SLC9A9: variants seen among roughly 807,000 people sequenced by gnomAD.
The protein encoded by SLC9A9 is solute carrier family 9 member A9.
A neutral mutation model predicts 77.8 loss-of-function variants in SLC9A9; 62 were observed. The ratio of observed to expected loss-of-function variants is 0.80; its 90% confidence interval spans 0.65 to 0.98. SLC9A9 has a LOEUF of 0.98. Among genes scored for constraint, SLC9A9 ranks in the 50% least tolerant of loss-of-function variants. SLC9A9 has a pLI of 0.00. For synonymous variants in SLC9A9, 320 were observed against 283.5 expected (o/e 1.13, Z -1.29); for missense variants, 775 against 774.9 (o/e 1.00, Z 0.00).
intron 12 of SLC9A9, among the ~76,000 whole-genome samples, chr3:143,405,182 T>C (rs1457814460): frequency 1.3e-5 from 2 of 152,228 alleles, no homozygotes; most frequent in Non-Finnish European, 2.9e-5. Flanking sequence ...TCTGCCTTTT[T>C]GTTTGTTGCT....
Position 143,822,778 on chromosome 3 carries a change from CAGACTT to C in SLC9A9, c.378+9235_378+9240del, listed in dbSNP as rs572329101. On this transcript the variant is annotated intron_variant, in intron 2 of 15. Transcript: ENST00000316549. ...AGATCCATTGTAAATATTATTTACT[CAGACTT>C]AAAGTACAATGGGAAATCTCTTTTT... Among the ~76,000 whole-genome samples the C allele has an allele frequency of 2.8e-3, 432 of 152,358 alleles. 6 individuals are homozygous for C. Among genetic ancestry groups the C allele is most frequent in the African/African-American group, 1.0e-2 (414 of 41,580 alleles).
At chr3:143,487,841 G>C (rs1031549304) in intron 11 of SLC9A9, among the ~76,000 whole-genome samples, 1 of 148,616 alleles carries the variant, frequency 6.7e-6, no homozygotes, top group African/African-American at 2.5e-5. Flanking sequence ...AAATAAACAA[G>C]AAAAAGAAAA....
Position 143,363,556 on chromosome 3 carries a change from T to C in SLC9A9, c.1532A>G (p.Asn511Ser). The C allele has an allele frequency of 6.2e-7, 1 of 1,612,704 alleles. No individual in the cohort carries two copies. The highest frequency in any genetic ancestry group is 8.5e-7 in the Non-Finnish European group (1 of 1,179,074). The part of the protein sequence containing the change: ...EDPSSQHQEA[N>S]NLDKNMTKAE... ...TTTCGTCATGTTTTTATCCAAGTTA[T>C]TTGCTTCCTGGGGAGAAACAATAGA... The change falls in exon 14 of 16, where the codon AAT (asparagine) becomes AGT (serine). Residue 511 changes from asparagine (N) to serine (S), a missense_variant. Coordinates refer to ENST00000316549, the MANE Select transcript of SLC9A9 (RefSeq NM_173653.4).
chr3:143,469,562 T>A (rs919419916), intron 11 of SLC9A9, among the ~76,000 whole-genome samples: 4 of 152,230 alleles, frequency 2.6e-5, no homozygotes, highest in Non-Finnish European at 5.9e-5. Flanking sequence ...CAGGGCAGAA[T>A]GAGAAAAACT....
chr3:143,517,254 T>C, intron 9 of SLC9A9: 1 of 1,283,484 alleles, frequency 7.8e-7, no homozygotes, highest in East Asian at 2.3e-5. Context: ...GGATCCTGCA[T>C]GGCGGCAAGA....
intron 12 of SLC9A9, among the ~76,000 whole-genome samples, chr3:143,406,994 A>G (rs1015364994): frequency 2.6e-5 from 4 of 151,482 alleles, no homozygotes; most frequent in African/African-American, 4.8e-5. Flanking sequence ...AAAAAAAAAA[A>G]AAGAAAAAGA....
chr3:143,358,526 C>T (rs991727201), intron 14 of SLC9A9, among the ~76,000 whole-genome samples: 1 of 152,184 alleles, frequency 6.6e-6, no homozygotes, highest in Non-Finnish European at 1.5e-5. Flanking sequence ...GTGTCATTCA[C>T]ATTTATGGGG....
chr3:143,404,240 C>G (rs1446640144), intron 12 of SLC9A9, among the ~76,000 whole-genome samples: 3 of 149,940 alleles, frequency 2.0e-5, no homozygotes, highest in Non-Finnish European at 4.4e-5. Flanking sequence ...GTGGCGTGAT[C>G]TGAGCTCACT....
At chr3:143,517,026 T>G in intron 9 of SLC9A9, 1 of 732,758 alleles carries the variant, frequency 1.4e-6, no homozygotes, top group Non-Finnish European at 2.3e-6. Flanking sequence ...TTCTGTTTAT[T>G]GAGTAATTGA....
Position 143,523,714 on chromosome 3 carries a change from A to T in SLC9A9, c.1090-28266T>A, listed in dbSNP as rs549354438. ...TCGATGAAGGGTAATCATTATCATT[A>T]TATTTTTCCATAATCCTCTTAATGT... On this transcript the variant is annotated intron_variant, in intron 9 of 15. Coordinates refer to ENST00000316549, the MANE Select transcript of SLC9A9 (RefSeq NM_173653.4). Among the ~76,000 whole-genome samples the T allele has an allele frequency of 1.1e-4, 16 of 152,292 alleles. No homozygotes were observed. In the East Asian group the frequency reaches 2.9e-3, roughly 28 times the overall value.
At position 143,268,911 on chromosome 3, in the gene SLC9A9, C is replaced by T. The variant is rs148398960; in HGVS notation, c.1674G>A (p.Pro558=). The change falls in exon 15 of 16, where the codon CCG becomes CCA. Residue 558 remains proline, a synonymous_variant. Transcript: ENST00000316549. ...GAGGACTGGTAAGCAGCCTGGAAAT[C>T]GGACCACACCATTCAGGTAATGTTG... is the stretch of plus-strand genomic sequence containing the variant. The part of the protein sequence containing the change: ...LTTTLPEWCG[P]ISRLLTSPQA... 8.1e-5 allele frequency: 131 copies of T among 1,613,612 alleles called. No homozygotes were observed. The highest frequency in any genetic ancestry group is 9.9e-5 in the Non-Finnish European group (117 of 1,179,782).
chr3:143,844,066 C>T (rs1021282595), intron 1 of SLC9A9, among the ~76,000 whole-genome samples: 4 of 151,994 alleles, frequency 2.6e-5, no homozygotes, highest in Admixed American at 2.6e-4. Flanking sequence ...ATAAGAAAAA[C>T]CTATTTTTTA....
At chr3:143,555,709 C>T (rs1296578017) in intron 8 of SLC9A9, among the ~76,000 whole-genome samples, 2 of 152,238 alleles carry the variant, frequency 1.3e-5, no homozygotes, top group Non-Finnish European at 1.5e-5. Flanking sequence ...GATTACATAT[C>T]TCTCTGAACT....
In SLC9A9 at chr3:143,569,132, C is replaced by A. The variant is rs1048387086; in HGVS notation, c.1000+4956G>T. Among the ~76,000 whole-genome samples the A allele has an allele frequency of 4.0e-5, 6 of 151,898 alleles. No homozygotes were observed. In the East Asian group the frequency reaches 1.2e-3, roughly 29 times the overall value. On this transcript the variant is annotated intron_variant, in intron 8 of 15. Transcript: ENST00000316549. ...CAAATTAATCTAAAAATTTAATGTA[C>A]CCCAATTATAATTCCAAAATTATTT...
intron 14 of SLC9A9, among the ~76,000 whole-genome samples, chr3:143,323,162 G>C (rs1258532322): frequency 6.6e-6 from 1 of 152,150 alleles, no homozygotes; most frequent in Admixed American, 6.5e-5. Context: ...TGTGGAAATT[G>C]CATAACAATT....
intron 2 of SLC9A9, among the ~76,000 whole-genome samples, chr3:143,817,449 A>G (rs2108877913): frequency 6.6e-6 from 1 of 152,330 alleles, no homozygotes. Context: ...CGCCCGGCCA[A>G]AAGTTTATTT....
intron 4 of SLC9A9, among the ~76,000 whole-genome samples, chr3:143,738,028 T>C (rs1240898978): frequency 6.6e-6 from 1 of 152,260 alleles, no homozygotes; most frequent in Non-Finnish European, 1.5e-5. Context: ...TGCTTTTTGG[T>C]GCATTTCCCT....
At chr3:143,355,763 C>T (rs929187018) in intron 14 of SLC9A9, among the ~76,000 whole-genome samples, 13 of 152,100 alleles carry the variant, frequency 8.5e-5, no homozygotes, top group Admixed American at 3.9e-4. Flanking sequence ...ACTTGATAAA[C>T]GTGATAAGCG....
chr3:143,761,397 G>A (rs1184967982), intron 4 of SLC9A9, among the ~76,000 whole-genome samples: 2 of 152,112 alleles, frequency 1.3e-5, no homozygotes, highest in Non-Finnish European at 2.9e-5. Context: ...TCATCAGAGT[G>A]AACAGGCAAC....
Sources: allele counts gnomAD v4.1 joint callset (sites outside exome capture counted in the v4.1 genomes callset), GRCh38; gene constraint gnomAD v4.1.1; transcripts MANE v1.5; gene names NCBI Gene and HGNC (gene_info 2026-07-23, HGNC 2026-07-21).